ERC2: variants seen among roughly 807,000 people sequenced by gnomAD.
The protein encoded by ERC2 is ELKS/RAB6-interacting/CAST family member 2, also known as ERC protein 2.
ERC2 carries 42 observed loss-of-function variants against 114.8 expected under a neutral mutation model. The observed-to-expected ratio is 0.37, with a 90% CI of 0.29 to 0.47. The LOEUF is 0.47. Ranked by LOEUF, ERC2 falls within the 20% of genes least tolerant of loss-of-function variation. ERC2 has a pLI of 0.99. For missense variants in ERC2, 939 were observed against 1,150.7 expected (o/e 0.82, Z 2.66); for synonymous variants, 454 against 425.5 (o/e 1.07, Z -0.82).
chr3:55,524,500 GTTT>G (rs34258011), intron 17 of ERC2, among the ~76,000 whole-genome samples: 1 of 120,848 alleles, frequency 8.3e-6, no homozygotes. Context: ...AGCTCCAGTG[GTTT>G]TTTTTTTTTT....
At chr3:56,052,989 A>G (rs560196463) in intron 7 of ERC2, among the ~76,000 whole-genome samples, 55 of 152,230 alleles carry the variant, frequency 3.6e-4, no homozygotes, top group African/African-American at 1.3e-3. Flanking sequence ...GGGCCAAGGA[A>G]AAAAGTAGGT....
chr3:56,453,901 C>T (rs1414377178), intron 1 of ERC2, among the ~76,000 whole-genome samples: 2 of 152,148 alleles, frequency 1.3e-5, no homozygotes, highest in Non-Finnish European at 2.9e-5. Context: ...GGCTGGACCT[C>T]GTATGATCAG....
intron 3 of ERC2, among the ~76,000 whole-genome samples, chr3:56,260,161 G>T (rs1312826412): frequency 1.3e-5 from 2 of 152,168 alleles, no homozygotes; most frequent in Non-Finnish European, 2.9e-5. Context: ...GAGAGAATGA[G>T]AATTTGCTCC....
At chr3:56,294,116 C>T (rs1173568536) in intron 3 of ERC2, among the ~76,000 whole-genome samples, 1 of 152,264 alleles carries the variant, frequency 6.6e-6, no homozygotes, top group Non-Finnish European at 1.5e-5. Flanking sequence ...AGTTAGTCTA[C>T]ATGCAAGTAA....
chr3:56,206,805 G>A (rs2048763229), intron 3 of ERC2, among the ~76,000 whole-genome samples: 1 of 152,196 alleles, frequency 6.6e-6, no homozygotes, highest in Non-Finnish European at 1.5e-5. Flanking sequence ...TCCGTAGGAT[G>A]CTGCACCTCC....
At chr3:55,822,803 CG>C (rs1209151101) in intron 14 of ERC2, among the ~76,000 whole-genome samples, 1 of 151,994 alleles carries the variant, frequency 6.6e-6, no homozygotes, top group Non-Finnish European at 1.5e-5. Context: ...TTGGTAGAGA[CG>C]GGGTTTCACC....
chr3:55,626,439 A>G (rs2059527523), intron 17 of ERC2, among the ~76,000 whole-genome samples: 1 of 152,200 alleles, frequency 6.6e-6, no homozygotes, highest in African/African-American at 2.4e-5. Context: ...TGCTGAGAAT[A>G]TGCTCTCCAG....
At chr3:56,021,057 TAACAGA>T (rs1391440181) in intron 7 of ERC2, among the ~76,000 whole-genome samples, 1 of 152,006 alleles carries the variant, frequency 6.6e-6, no homozygotes, top group Non-Finnish European at 1.5e-5. Context: ...TGTGACTGAC[TAACAGA>T]GCTGGAATTA....
At chr3:55,757,901 G>A (rs2067164208) in intron 14 of ERC2, among the ~76,000 whole-genome samples, 1 of 150,710 alleles carries the variant, frequency 6.6e-6, no homozygotes, top group Non-Finnish European at 1.5e-5. Context: ...TATTCCTCTT[G>A]GAAAAAAAAT....
At chr3:56,245,804 G>C (rs891621540) in intron 3 of ERC2, among the ~76,000 whole-genome samples, 1 of 151,940 alleles carries the variant, frequency 6.6e-6, no homozygotes, top group East Asian at 1.9e-4. Context: ...GCCTCCTAAA[G>C]TGCTGGGATT....
intron 6 of ERC2, among the ~76,000 whole-genome samples, chr3:56,106,689 G>A (rs189998886): frequency 1.3e-4 from 20 of 152,320 alleles, no homozygotes; most frequent in African/African-American, 4.6e-4. Context: ...CCATGAGGGA[G>A]TAACAGCAGC....
At position 55,968,385 on chromosome 3, in the gene ERC2, T is replaced by C. The variant is rs73086185; in HGVS notation, c.2267+17592A>G. On this transcript the variant is annotated intron_variant, in intron 12 of 17. Coordinates refer to ENST00000288221, the MANE Select transcript of ERC2 (RefSeq NM_015576.3). ...TGTTGGGAGTAGAATATTTCTGATATAGATTTAGAAATCTCTATGAACTGA... is the reference window on the plus strand; with the variant it reads ...TGTTGGGAGTAGAATATTTCTGATACAGATTTAGAAATCTCTATGAACTGA... 8.6e-3 allele frequency among the ~76,000 whole-genome samples: 1,317 copies of C among 152,342 alleles called. 6 individuals are homozygous for C. The highest frequency in any genetic ancestry group is 0.014 in the Non-Finnish European group (964 of 68,030).
chr3:55,641,549 CAAAAAAAAAAAAAAAAAAA>C (rs57407975), intron 17 of ERC2, among the ~76,000 whole-genome samples: 1 of 28,326 alleles, frequency 3.5e-5, no homozygotes, highest in African/African-American at 1.5e-4. Flanking sequence ...GATTCTATCT[CAAAAAAAAAAAAAAAAAAA>C]AAAAAAAAAA....
intron 1 of ERC2, among the ~76,000 whole-genome samples, chr3:56,464,875 A>G (rs757725167): frequency 8.6e-5 from 13 of 151,032 alleles, no homozygotes; most frequent in Non-Finnish European, 1.6e-4. Context: ...GGATTTTAAA[A>G]AAAGAAAAAA....
intron 7 of ERC2, among the ~76,000 whole-genome samples, chr3:56,041,721 GA>G (rs1370195922): frequency 3.9e-5 from 6 of 152,240 alleles, no homozygotes; most frequent in African/African-American, 1.4e-4. Flanking sequence ...GAGATGGGAA[GA>G]AAAGTCAGGA....
At chr3:56,414,448 C>T (rs530334890) in intron 2 of ERC2, among the ~76,000 whole-genome samples, 1 of 152,220 alleles carries the variant, frequency 6.6e-6, no homozygotes, top group South Asian at 2.1e-4. Flanking sequence ...TCTGGTTGGG[C>T]ACGGTGGCTC....
intron 6 of ERC2, among the ~76,000 whole-genome samples, chr3:56,118,276 A>C (rs2079362933): frequency 6.6e-6 from 1 of 152,216 alleles, no homozygotes; most frequent in South Asian, 2.1e-4. Flanking sequence ...GGGTCTATAA[A>C]ATGGGATACT....
At chr3:55,537,561 G>C (rs932090592) in intron 17 of ERC2, among the ~76,000 whole-genome samples, 1 of 152,210 alleles carries the variant, frequency 6.6e-6, no homozygotes, top group Non-Finnish European at 1.5e-5. Context: ...TCGCACTTTA[G>C]AGCAGAGGCA....
intron 17 of ERC2, among the ~76,000 whole-genome samples, chr3:55,525,906 A>C (rs1438513900): frequency 6.6e-6 from 1 of 152,236 alleles, no homozygotes; most frequent in Non-Finnish European, 1.5e-5. Flanking sequence ...TCCCCTAAAA[A>C]GATATTTTCA....
Sources: gnomAD v4.1 joint callset for allele counts (sites outside exome capture counted in the v4.1 genomes callset) on GRCh38, gnomAD v4.1.1 for gene constraint, MANE v1.5 for transcripts, NCBI Gene and HGNC (gene_info 2026-07-23, HGNC 2026-07-21) for gene names.